The following GALK2 variants were observed in gnomAD, a reference collection of about 807,000 sequenced individuals.
GALK2 encodes N-acetylgalactosamine kinase.
Under a neutral mutation model 52.4 loss-of-function variants are expected in GALK2, and 36 were observed. The ratio of observed to expected loss-of-function variants is 0.69; its 90% CI spans 0.53 to 0.91. The LOEUF (loss-of-function observed/expected upper bound fraction) is 0.91. GALK2 is among the 40% of genes least tolerant of loss of function. GALK2 has a pLI of 0.00. For synonymous variants in GALK2, 176 were observed against 199.1 expected, an observed-to-expected ratio of 0.88 and a Z score of 0.98; for missense variants, 579 against 559.1, an observed-to-expected ratio of 1.04 and a Z score of -0.36.
intron 4 of GALK2, among the ~76,000 whole-genome samples, chr15:49,237,355 T>C (rs1380269104): frequency 4.6e-5 from 7 of 152,256 alleles, no homozygotes; most frequent in Admixed American, 4.6e-4. Flanking sequence ...GAACATGTTA[T>C]CCTTTTGGCA....
chr15:49,170,184 C>A, upstream of GALK2: 1 of 1,473,574 alleles, frequency 6.8e-7, no homozygotes, highest in Non-Finnish European at 9.0e-7. Flanking sequence ...GCCACCTCAG[C>A]GAAGCTGCAG....
chr15:49,167,514 C>T (rs1354526137), upstream of GALK2, among the ~76,000 whole-genome samples: 1 of 152,130 alleles, frequency 6.6e-6, no homozygotes, highest in Admixed American at 6.5e-5. Flanking sequence ...CCCGCCACCA[C>T]ACCTGGCTAT....
intron 8 of GALK2, among the ~76,000 whole-genome samples, chr15:49,304,432 T>C (rs1596038544): frequency 6.6e-6 from 1 of 152,238 alleles, no homozygotes; most frequent in East Asian, 1.9e-4. Context: ...AAGACACTTA[T>C]GGAGCTGGGC....
At chr15:49,171,039 TTTC>T (rs777224601) in intron 1 of GALK2, among the ~76,000 whole-genome samples, 1 of 151,914 alleles carries the variant, frequency 6.6e-6, no homozygotes, top group Non-Finnish European at 1.5e-5. Flanking sequence ...CTGTTTTTCT[TTTC>T]TTTTCTTTCT....
chr15:49,303,309 G>A (rs901867168), intron 8 of GALK2, among the ~76,000 whole-genome samples: 2 of 152,082 alleles, frequency 1.3e-5, no homozygotes, highest in Non-Finnish European at 2.9e-5. Context: ...ATTTTTAAAG[G>A]CACGGCATCA....
chr15:49,248,032 A>C (rs1295846163), intron 5 of GALK2, among the ~76,000 whole-genome samples: 1 of 152,180 alleles, frequency 6.6e-6, no homozygotes, highest in Non-Finnish European at 1.5e-5. Flanking sequence ...GTTCTGTGCC[A>C]AATATGTCCA....
At chr15:49,249,974 T>A (rs868571639) in intron 5 of GALK2, among the ~76,000 whole-genome samples, 1 of 152,196 alleles carries the variant, frequency 6.6e-6, no homozygotes, top group African/African-American at 2.4e-5. Flanking sequence ...TGCTAGCCAA[T>A]TGGGACAAAT....
At chr15:49,189,518 A>G (rs1054417423) in intron 1 of GALK2, among the ~76,000 whole-genome samples, 5 of 152,184 alleles carry the variant, frequency 3.3e-5, no homozygotes, top group Admixed American at 3.3e-4. Context: ...GATAAAGTTT[A>G]ATTTATAAAT....
At chr15:49,167,035 C>G (rs953374943), upstream of GALK2, among the ~76,000 whole-genome samples, 5 of 152,154 alleles carry the variant, frequency 3.3e-5, no homozygotes, top group Non-Finnish European at 5.9e-5. Context: ...TAGGCACTAG[C>G]CAGGTCTGTA....
chr15:49,283,734 G>C lies in GALK2; in HGVS notation c.756+16G>C. The stretch of plus-strand genomic sequence containing the variant: ...GGCTGCGAAGGTATGAACTTGGCAG[G>C]CTAGTGAAACTTGAAGTAGGGTTTT... On this transcript the variant is annotated intron_variant, in intron 7 of 9. Coordinates refer to ENST00000560031, the MANE Select transcript of GALK2 (RefSeq NM_002044.4). The C allele has an allele frequency of 2.5e-6, 4 of 1,610,846 alleles. No individual in the cohort carries two copies. The highest frequency in any genetic ancestry group is 1.7e-4 in the Middle Eastern group (1 of 6,054).
intron 3 of GALK2, among the ~76,000 whole-genome samples, chr15:49,225,965 T>C (rs2090109707): frequency 6.6e-6 from 1 of 152,216 alleles, no homozygotes; most frequent in African/African-American, 2.4e-5. Context: ...GCAGAGGCCT[T>C]GGAAGGGGCT....
rs191779858 is a variant in GALK2 at position 49,285,713 on chromosome 15, T to C, written c.756+1995T>C. ...TTTCCATCGGTCCCATCATCACTTATTGACTATCACATTAGCCTTCTCACT... is the reference window on the plus strand; with the variant it reads ...TTTCCATCGGTCCCATCATCACTTACTGACTATCACATTAGCCTTCTCACT... On this transcript the variant is annotated intron_variant, in intron 7 of 9. Coordinates refer to ENST00000560031, the MANE Select transcript of GALK2 (RefSeq NM_002044.4). Among the ~76,000 whole-genome samples, 17 of 152,312 alleles carry C rather than the reference T, an allele frequency of 1.1e-4. No individual in the cohort carries two copies. In the East Asian group the frequency reaches 3.3e-3, roughly 29 times the overall value.
intron 3 of GALK2, among the ~76,000 whole-genome samples, chr15:49,362,782 A>C (rs1209635483): frequency 2.0e-5 from 3 of 152,038 alleles, no homozygotes; most frequent in African/African-American, 7.2e-5. Flanking sequence ...TCTTTCATCC[A>C]TCTTAAGTTG....
intron 1 of GALK2, among the ~76,000 whole-genome samples, chr15:49,161,483 TTAAG>T (rs2084649294): frequency 6.6e-6 from 1 of 152,338 alleles, no homozygotes; most frequent in East Asian, 1.9e-4. Flanking sequence ...CTTTATACCG[TTAAG>T]ATACTCTCTT....
chr15:49,233,978 C>G (rs2090649301), intron 3 of GALK2, among the ~76,000 whole-genome samples: 1 of 152,132 alleles, frequency 6.6e-6, no homozygotes, highest in African/African-American at 2.4e-5. Flanking sequence ...GCTTTGTATG[C>G]TTAAGTGGTT....
intron 5 of GALK2, among the ~76,000 whole-genome samples, chr15:49,265,036 C>T (rs1254561840): frequency 6.6e-6 from 1 of 152,210 alleles, no homozygotes; most frequent in African/African-American, 2.4e-5. Flanking sequence ...CAGGGACCCA[C>T]TTGAGGAGGC....
At chr15:49,325,705 C>G (rs2037362433) in intron 9 of GALK2, among the ~76,000 whole-genome samples, 1 of 152,290 alleles carries the variant, frequency 6.6e-6, no homozygotes, top group Non-Finnish European at 1.5e-5. Flanking sequence ...TCTAATAGCA[C>G]TTATCATTCT....
chr15:49,320,660 G>T (rs2036801357), intron 9 of GALK2, among the ~76,000 whole-genome samples: 1 of 152,198 alleles, frequency 6.6e-6, no homozygotes, highest in Non-Finnish European at 1.5e-5. Context: ...TTTAAACCAA[G>T]TAACTCCAGT....
intron 5 of GALK2, among the ~76,000 whole-genome samples, chr15:49,263,780 C>T (rs1306113603): frequency 1.6e-5 from 2 of 127,924 alleles, no homozygotes; most frequent in African/African-American, 3.1e-5. Flanking sequence ...GAGAAAATCT[C>T]TCAGCATTTG....
Sources: allele counts gnomAD v4.1 joint callset (sites outside exome capture counted in the v4.1 genomes callset), GRCh38; gene constraint gnomAD v4.1.1; transcripts MANE v1.5; gene names NCBI Gene and HGNC (gene_info 2026-07-23, HGNC 2026-07-21).